Variants in LCOR observed in about 807,000 individuals in gnomAD.
LCOR encodes ligand dependent nuclear receptor corepressor, also known as ligand-dependent corepressor.
In LCOR, 14 loss-of-function variants were observed where a neutral mutation model predicts 64.4. The observed-to-expected ratio is 0.22, with a 90% confidence interval of 0.14 to 0.34. LCOR has a LOEUF of 0.34. LCOR is among the 10% of genes least tolerant of loss of function. LCOR has a pLI of 1.00. For synonymous variants in LCOR, 643 were observed against 642.5 expected, an observed-to-expected ratio of 1.00 and a Z score of -0.01; for missense variants, 1,686 against 1,765.3, an observed-to-expected ratio of 0.96 and a Z score of 0.80.
At chr10:96,931,189 C>G (rs967063887) in intron 4 of LCOR, among the ~76,000 whole-genome samples, 1 of 151,480 alleles carries the variant, frequency 6.6e-6, no homozygotes, top group Non-Finnish European at 1.5e-5. Context: ...TATTTCCTCC[C>G]CTGTTTTGGG....
chr10:96,978,449 C>G (rs924008289), intron 7 of LCOR, among the ~76,000 whole-genome samples: 2 of 152,168 alleles, frequency 1.3e-5, no homozygotes, highest in East Asian at 3.8e-4. Flanking sequence ...TCCTTTGGTA[C>G]ATTTTGTCCC....
chr10:96,900,626 G>C (rs1368773671), intron 2 of LCOR, among the ~76,000 whole-genome samples: 1 of 151,856 alleles, frequency 6.6e-6, no homozygotes, highest in Non-Finnish European at 1.5e-5. Context: ...CAAAAGACAA[G>C]GTATTTATAG....
At chr10:96,913,902 G>GAA (rs112962978) in intron 4 of LCOR, among the ~76,000 whole-genome samples, 4 of 139,186 alleles carry the variant, frequency 2.9e-5, no homozygotes, top group South Asian at 2.3e-4. Flanking sequence ...AGACTGTCTG[G>GAA]AAAAAAAAAA....
chr10:96,911,563 C>T (rs773300979), intron 4 of LCOR, among the ~76,000 whole-genome samples: 3 of 152,074 alleles, frequency 2.0e-5, no homozygotes, highest in Non-Finnish European at 2.9e-5. Context: ...GGAGCAGGAA[C>T]ATGGAAAGTG....
chr10:96,843,082 CT>C (rs1400113685), intron 2 of LCOR, among the ~76,000 whole-genome samples: 1 of 152,110 alleles, frequency 6.6e-6, no homozygotes, highest in African/African-American at 2.4e-5. Flanking sequence ...TATTTGTGAA[CT>C]TTTACCTGGC....
intron 2 of LCOR, among the ~76,000 whole-genome samples, chr10:96,871,445 C>A (rs1436240324): frequency 6.6e-6 from 1 of 152,002 alleles, no homozygotes; most frequent in Non-Finnish European, 1.5e-5. Flanking sequence ...CAGGGTCTCA[C>A]TCTGTCGCCC....
chr10:96,914,218 CGGAGCCTCG>C (rs1186839624), intron 4 of LCOR, among the ~76,000 whole-genome samples: 4 of 152,096 alleles, frequency 2.6e-5, no homozygotes, highest in Non-Finnish European at 4.4e-5. Context: ...TATTTTGAGA[CGGAGCCTCG>C]CTCTTGTTGC....
At chr10:96,884,290 A>G (rs1246463273) in intron 2 of LCOR, among the ~76,000 whole-genome samples, 3 of 152,240 alleles carry the variant, frequency 2.0e-5, no homozygotes, top group African/African-American at 7.2e-5. Flanking sequence ...AATAGATATA[A>G]TTTACATAAA....
At chr10:96,838,475 C>T (rs1300509344) in intron 2 of LCOR, among the ~76,000 whole-genome samples, 1 of 152,176 alleles carries the variant, frequency 6.6e-6, no homozygotes, top group Non-Finnish European at 1.5e-5. Context: ...GGCAGTTCCA[C>T]ATTCCGTTCT....
At chr10:96,854,992 A>G (rs1343493831) in intron 2 of LCOR, among the ~76,000 whole-genome samples, 1 of 152,088 alleles carries the variant, frequency 6.6e-6, no homozygotes, top group Non-Finnish European at 1.5e-5. Flanking sequence ...TGGCAGTAGC[A>G]TCTTGATTTT....
At chr10:96,858,114 G>T (rs909676940) in intron 2 of LCOR, among the ~76,000 whole-genome samples, 14 of 152,190 alleles carry the variant, frequency 9.2e-5, no homozygotes, top group African/African-American at 2.9e-4. Flanking sequence ...ATTTTTAAAA[G>T]GTTAAGTGGG....
Position 96,982,301 on chromosome 10 carries a change from C to T in LCOR, c.1841C>T (p.Ser614Phe), listed in dbSNP as rs763038457. Residue 614 changes from serine (S) to phenylalanine (F), a missense_variant, in exon 8 of 8, where the codon TCC (serine) becomes TTC (phenylalanine). This residue lies in a region of LCOR where 1,293 missense variants were observed against 1,410.4 expected (regional missense o/e 0.92). Transcript: ENST00000421806. ...SSPRSEETTA[S>F]SLVWPLPAHL... ...CCTAGGTCAGAGGAAACGACAGCCTCCAGCCTGGTGTGGCCTCTCCCTGCT... is the reference window on the plus strand; with the variant it reads ...CCTAGGTCAGAGGAAACGACAGCCTTCAGCCTGGTGTGGCCTCTCCCTGCT... 3.1e-6 allele frequency: 5 copies of T among 1,614,208 alleles called. No homozygotes were observed. The highest frequency in any genetic ancestry group is 4.2e-6 in the Non-Finnish European group (5 of 1,180,038).
intron 2 of LCOR, among the ~76,000 whole-genome samples, chr10:96,858,975 A>G (rs768964398): frequency 6.6e-6 from 1 of 152,192 alleles, no homozygotes; most frequent in Admixed American, 6.5e-5. Flanking sequence ...TTTCTCAACC[A>G]TACGGCACAT....
chr10:96,966,163 CTT>C (rs57378535), intron 7 of LCOR, among the ~76,000 whole-genome samples: 58 of 90,014 alleles, frequency 6.4e-4, no homozygotes, highest in African/African-American at 6.4e-4. Context: ...AAAATGGAAA[CTT>C]TTTTTTTTTT....
intron 2 of LCOR, among the ~76,000 whole-genome samples, chr10:96,849,429 T>C (rs12266185): frequency 0.14 from 22,051 of 152,084 alleles, 2,253 homozygotes; most frequent in African/African-American, 0.28. Context: ...AGGCTGGTCT[T>C]GAACTCCTGA....
intron 4 of LCOR, chr10:96,915,739 C>T (rs745960000): frequency 9.2e-6 from 6 of 655,300 alleles, no homozygotes; most frequent in Non-Finnish European, 1.7e-5. Context: ...TTTCCTTTTT[C>T]CCTTTGGGTA....
At chr10:96,861,580 C>T (rs1285706915) in intron 2 of LCOR, among the ~76,000 whole-genome samples, 1 of 152,040 alleles carries the variant, frequency 6.6e-6, no homozygotes, top group Admixed American at 6.6e-5. Flanking sequence ...GTGTCTCACT[C>T]TGTCACCCAG....
chr10:96,881,461 T>C (rs1326532328), intron 2 of LCOR, among the ~76,000 whole-genome samples: 1 of 146,650 alleles, frequency 6.8e-6, no homozygotes, highest in Non-Finnish European at 1.5e-5. Context: ...TGTTGTTTTT[T>C]GTTTTTTTTT....
intron 2 of LCOR, among the ~76,000 whole-genome samples, chr10:96,862,941 C>CA (rs1400969901): frequency 1.3e-5 from 2 of 149,544 alleles, no homozygotes; most frequent in Admixed American, 6.7e-5. Flanking sequence ...AGTGTAGTGG[C>CA]ATGATCTCAG....
Sources: allele counts gnomAD v4.1 joint callset (sites outside exome capture counted in the v4.1 genomes callset), GRCh38; gene constraint gnomAD v4.1.1; regional missense constraint gnomAD v4.1.1; transcripts MANE v1.5; gene names NCBI Gene and HGNC (gene_info 2026-07-23, HGNC 2026-07-21).